FRYL: variants seen among roughly 807,000 people sequenced by gnomAD.
FRYL encodes FRY like transcription coactivator.
A neutral mutation model predicts 351.2 loss-of-function variants in FRYL; 150 were observed. The observed-to-expected ratio is 0.43, with a 90% CI of 0.37 to 0.49. The LOEUF (loss-of-function observed/expected upper bound fraction) is 0.49, where lower values mean the gene tolerates loss of function less well. Ranked by LOEUF, FRYL falls within the 20% of genes least tolerant of loss-of-function variation. The pLI is 0.00. For missense variants in FRYL, 3,036 were observed against 3,619.3 expected (o/e 0.84, Z 4.13); for synonymous variants, 1,153 against 1,257.1 (o/e 0.92, Z 1.75).
At chr4:48,690,063 ATTT>A (rs67814663) in intron 2 of FRYL, among the ~76,000 whole-genome samples, 6 of 139,780 alleles carry the variant, frequency 4.3e-5, no homozygotes, top group Non-Finnish European at 3.1e-5. Context: ...TGCCCAGCTA[ATTT>A]TTTTTTTTTT....
rs144573333 is a variant in FRYL at position 48,667,634 on chromosome 4, C to T, written c.-81+17039G>A. Reference sequence around the variant, plus strand: ...AATAGAACTAAGTATAATATTGGACCCTTTCTTCAAAGCTTCCATTCTTTT... The same window carrying T: ...AATAGAACTAAGTATAATATTGGACTCTTTCTTCAAAGCTTCCATTCTTTT... On this transcript the variant is annotated intron_variant, in intron 3 of 63. Coordinates refer to ENST00000358350, the MANE Select transcript of FRYL (RefSeq NM_015030.2). Among the ~76,000 whole-genome samples the T allele has an allele frequency of 2.6e-5, 4 of 151,950 alleles. 1 individual carries two copies. In the South Asian group the frequency reaches 8.3e-4, roughly 32 times the overall value.
At chr4:48,524,133 T>TC (rs1259542807) in intron 53 of FRYL, among the ~76,000 whole-genome samples, 2 of 152,154 alleles carry the variant, frequency 1.3e-5, no homozygotes, top group African/African-American at 4.8e-5. Context: ...ATTTTTTTTT[T>TC]CTGTATCCCT....
Position 48,499,253 on chromosome 4 carries a change from GT to G in FRYL, c.*168del, listed in dbSNP as rs1210539338. 6.6e-6 allele frequency: 4 copies of G among 607,920 alleles called. No homozygotes were observed. The highest frequency in any genetic ancestry group is 1.8e-5 in the African/African-American group (1 of 54,066). The allele number at this position is 607,920 out of a possible 1,614,324, so 37.7% of individuals were successfully genotyped here. ...ATTGGCAGCTGTTAAAATATCAGAT[GT>G]TTTTTTCTTTCAGATCTTTGTTTTT... On this transcript the variant is annotated 3_prime_UTR_variant, in exon 64 of 64. Transcript: ENST00000358350.
At chr4:48,552,292 C>T (rs1733029261) in intron 36 of FRYL, among the ~76,000 whole-genome samples, 1 of 150,006 alleles carries the variant, frequency 6.7e-6, no homozygotes, top group South Asian at 2.1e-4. Flanking sequence ...TGTTCAGACA[C>T]ACCCTCTGCA....
chr4:48,646,106 G>GT (rs1756409560), intron 3 of FRYL: 1 of 152,162 alleles, frequency 6.6e-6, no homozygotes, highest in African/African-American at 2.4e-5. Context: ...TGTATCAAAT[G>GT]TAAGTCTGTA....
intron 5 of FRYL, among the ~76,000 whole-genome samples, chr4:48,622,040 T>C (rs1217265063): frequency 1.3e-5 from 2 of 152,082 alleles, no homozygotes; most frequent in African/African-American, 4.8e-5. Flanking sequence ...TAAAAACCCA[T>C]CAACTATTGT....
chr4:48,779,968 A>C (rs1776497570), intron 1 of FRYL, 110 bp downstream of exon 1: 1 of 151,166 alleles, frequency 6.6e-6, no homozygotes, highest in African/African-American at 2.4e-5. Flanking sequence ...GCGAGGGCCG[A>C]CGACCTCGTC....
chr4:48,609,158 T>C (rs1747503988), intron 8 of FRYL, 91 bp from the exon 9 acceptor site: 3 of 741,384 alleles, frequency 4.0e-6, no homozygotes, highest in African/African-American at 1.8e-5. Context: ...TATCAGAGTA[T>C]TGTATAATTT....
At chr4:48,696,074 C>G (rs1186185571) in intron 2 of FRYL, among the ~76,000 whole-genome samples, 1 of 151,976 alleles carries the variant, frequency 6.6e-6, no homozygotes, top group African/African-American at 2.4e-5. Flanking sequence ...TTTACACTGT[C>G]GGTGGGAGGG....
chr4:48,740,993 A>C (rs1262386320), intron 1 of FRYL, among the ~76,000 whole-genome samples: 2 of 152,166 alleles, frequency 1.3e-5, no homozygotes, highest in Non-Finnish European at 2.9e-5. Flanking sequence ...AAAATTTGGA[A>C]GCAAACAAGA....
At chr4:48,738,793 A>C (rs1323074304) in intron 1 of FRYL, among the ~76,000 whole-genome samples, 2 of 151,484 alleles carry the variant, frequency 1.3e-5, no homozygotes, top group Non-Finnish European at 2.9e-5. Context: ...GGTGTGAGCC[A>C]CCGCCCCCAG....
Position 48,499,884 on chromosome 4 carries a change from C to A in FRYL, c.8783+146G>T, listed in dbSNP as rs527370648. Reference sequence around the variant, plus strand: ...GTGAAAAGAAATCTAAAATTGGTATCATTTCAGTGGCAACTGTTAAAAATA... The same window carrying A: ...GTGAAAAGAAATCTAAAATTGGTATAATTTCAGTGGCAACTGTTAAAAATA... On this transcript the variant is annotated intron_variant, in intron 63 of 63. Coordinates refer to ENST00000358350, the MANE Select transcript of FRYL (RefSeq NM_015030.2). The A allele has an allele frequency of 5.3e-6, 4 of 751,464 alleles. No individual in the cohort carries two copies. In the South Asian group the frequency reaches 5.7e-5, roughly 11 times the overall value. 46.5% of individuals were successfully genotyped at this position (751,464 alleles called of 1,614,324 possible). A position where few individuals can be genotyped will look rare whatever the true frequency, so the allele number is the denominator to read the frequency against.
In FRYL at chr4:48,746,000, A is replaced by G. The variant is rs1331518842; in HGVS notation, c.-384+34078T>C. ...ATATGGTGGTTAACTGATTTCCATG[A>G]GTCCTGAATTTGAGTCCTGAATTAA... On this transcript the variant is annotated intron_variant, in intron 1 of 63. Coordinates refer to ENST00000358350, the MANE Select transcript of FRYL (RefSeq NM_015030.2). Among the ~76,000 whole-genome samples the G allele has an allele frequency of 2.0e-5, 3 of 152,234 alleles. 1 individual carries two copies. The highest frequency in any genetic ancestry group is 4.8e-5 in the African/African-American group (2 of 41,462).
intron 15 of FRYL, 139 bp downstream of exon 15, chr4:48,595,451 G>C: frequency 2.0e-6 from 1 of 508,744 alleles, no homozygotes; most frequent in Non-Finnish European, 3.5e-6. Flanking sequence ...CTTTCCAAGT[G>C]TGTAGATTAA....
intron 63 of FRYL, 116 bp downstream of exon 63, chr4:48,499,914 T>A: frequency 2.4e-6 from 2 of 835,922 alleles, no homozygotes; most frequent in Non-Finnish European, 3.7e-6. Flanking sequence ...AAAATACTCA[T>A]GTTTTTCTTT....
chr4:48,716,231 TA>T (rs1301998013), intron 1 of FRYL, among the ~76,000 whole-genome samples: 1 of 151,082 alleles, frequency 6.6e-6, no homozygotes, highest in Non-Finnish European at 1.5e-5. Context: ...ACTTCATGCC[TA>T]AAACACCAAA....
chr4:48,584,449 G>A (rs2149176746), intron 19 of FRYL, among the ~76,000 whole-genome samples: 1 of 152,302 alleles, frequency 6.6e-6, no homozygotes, highest in Admixed American at 6.5e-5. Flanking sequence ...AGACTGAGGA[G>A]TAAGCAACAA....
intron 54 of FRYL, 88 bp from the exon 55 acceptor site, chr4:48,521,303 T>C: frequency 1.1e-6 from 1 of 943,454 alleles, no homozygotes; most frequent in African/African-American, 1.7e-5. Context: ...TTTAGGGGCT[T>C]CGTTATAAAG....
At chr4:48,655,124 A>C (rs529891293) in intron 3 of FRYL, among the ~76,000 whole-genome samples, 3 of 152,294 alleles carry the variant, frequency 2.0e-5, no homozygotes, top group African/African-American at 7.2e-5. Flanking sequence ...ACTATCATAC[A>C]TTATGGGAAA....
Sources: gnomAD v4.1 joint callset for allele counts (sites outside exome capture counted in the v4.1 genomes callset) on GRCh38, gnomAD v4.1.1 for gene constraint, MANE v1.5 for transcripts, NCBI Gene and HGNC (gene_info 2026-07-23, HGNC 2026-07-21) for gene names.